DOCK1: variants seen among roughly 807,000 people sequenced by gnomAD.
DOCK1 encodes the protein dedicator of cytokinesis protein 1.
DOCK1 carries 138 observed loss-of-function variants against 262.7 expected under a neutral mutation model. The ratio of observed to expected loss-of-function variants is 0.53; its 90% CI spans 0.46 to 0.61. The LOEUF is 0.61. Among genes scored for constraint, DOCK1 ranks in the 20% least tolerant of loss-of-function variants. The pLI is 0.00. For synonymous variants in DOCK1, 866 were observed against 867.4 expected (o/e 1.00, Z 0.03); for missense variants, 1,908 against 2,370.7 (o/e 0.80, Z 4.05).
At chr10:127,223,863 G>T (rs959926423) in intron 27 of DOCK1, among the ~76,000 whole-genome samples, 6 of 152,190 alleles carry the variant, frequency 3.9e-5, no homozygotes, top group Admixed American at 3.3e-4. Flanking sequence ...AATCTTAGGT[G>T]ACAGTGAGGC....
Position 127,175,379 on chromosome 10 carries a change from C to T in DOCK1, c.2847+47615C>T, listed in dbSNP as rs771469519. ...GTTGGCATTCTTCACCTGCAGCAAC[C>T]GCTGTGGGACTAGGCTGGTTCCCCA... On this transcript the variant is annotated intron_variant, in intron 27 of 51. Coordinates refer to ENST00000623213, the MANE Select transcript of DOCK1 (RefSeq NM_001290223.2). This position sits in a 1 kb window ranked among gnomAD's most constrained non-coding sequence, Gnocchi z 6.3. The T allele has an allele frequency of 8.7e-6, 14 of 1,613,872 alleles. No individual in the cohort carries two copies. Among genetic ancestry groups the T allele is most frequent in the Middle Eastern group, 1.6e-4 (1 of 6,084 alleles).
chr10:127,010,639 T>C (rs764641735), intron 11 of DOCK1, among the ~76,000 whole-genome samples: 10 of 152,164 alleles, frequency 6.6e-5, no homozygotes, highest in Non-Finnish European at 1.5e-4. Context: ...TGTTTTGTAG[T>C]CCCATCCAGT....
In DOCK1 at chr10:127,016,226, G is replaced by A. The variant is rs79573567; in HGVS notation, c.1202-2484G>A. 231 of 152,282 alleles carry A rather than the reference G, an allele frequency of 1.5e-3. 3 individuals are homozygous for A. Among genetic ancestry groups the A allele is most frequent in the African/African-American group, 5.1e-3 (213 of 41,534 alleles). The allele number at this position is 152,282 out of a possible 1,614,324, so 9.4% of individuals were successfully genotyped here. A position where few individuals can be genotyped will look rare whatever the true frequency, so the allele number is the denominator to read the frequency against. ...CCAGTATTTGCCTGGCACATAGTAG[G>A]TGCTCAGTAGCTACTTTTGAATAAA... On this transcript the variant is annotated intron_variant, in intron 12 of 51. Coordinates refer to ENST00000623213, the MANE Select transcript of DOCK1 (RefSeq NM_001290223.2).
intron 43 of DOCK1, among the ~76,000 whole-genome samples, chr10:127,413,084 G>A (rs1262931137): frequency 3.9e-5 from 6 of 152,170 alleles, no homozygotes; most frequent in African/African-American, 1.2e-4. Flanking sequence ...ACTAACGCTA[G>A]TGTTTATATG....
intron 1 of DOCK1, among the ~76,000 whole-genome samples, chr10:126,942,005 G>A (rs1334652850): frequency 1.3e-5 from 2 of 152,004 alleles, no homozygotes; most frequent in African/African-American, 4.8e-5. Context: ...TCGGATGTGT[G>A]TTGTCACTCT....
chr10:127,397,695 C>T (rs921820689), intron 38 of DOCK1, among the ~76,000 whole-genome samples: 2 of 151,770 alleles, frequency 1.3e-5, no homozygotes, highest in South Asian at 2.1e-4. Flanking sequence ...CAGGTAGTAG[C>T]TCCTCTATGA....
intron 24 of DOCK1, among the ~76,000 whole-genome samples, chr10:127,107,602 G>A (rs1472666565): frequency 2.0e-5 from 3 of 152,204 alleles, no homozygotes; most frequent in African/African-American, 7.2e-5. Flanking sequence ...TTCTCCAAGA[G>A]CGGGCCCCAA....
intron 25 of DOCK1, among the ~76,000 whole-genome samples, chr10:127,119,816 C>G (rs1232369300): frequency 1.3e-5 from 2 of 152,166 alleles, no homozygotes; most frequent in Non-Finnish European, 2.9e-5. Flanking sequence ...CTTGTATTTG[C>G]ATCTTGCTTT....
chr10:126,927,267 T>C (rs977810149), intron 1 of DOCK1, among the ~76,000 whole-genome samples: 1 of 152,162 alleles, frequency 6.6e-6, no homozygotes, highest in Non-Finnish European at 1.5e-5. Flanking sequence ...TTGATGTGAA[T>C]GTTGTTGACC....
chr10:127,179,375 A>T (rs576836150), intron 27 of DOCK1, among the ~76,000 whole-genome samples: 1 of 152,344 alleles, frequency 6.6e-6, no homozygotes, highest in South Asian at 2.1e-4. Flanking sequence ...TGTTAGTAAA[A>T]AAATGATGGT....
intron 2 of DOCK1, among the ~76,000 whole-genome samples, chr10:126,972,763 C>G (rs2038213532): frequency 6.6e-6 from 1 of 151,944 alleles, no homozygotes; most frequent in East Asian, 2.0e-4. Flanking sequence ...CCTTATTTCC[C>G]CATCTGATGC....
At chr10:127,306,258 G>T (rs553094205) in intron 29 of DOCK1, among the ~76,000 whole-genome samples, 1 of 152,076 alleles carries the variant, frequency 6.6e-6, no homozygotes, top group Non-Finnish European at 1.5e-5. Context: ...CAGGTGATCC[G>T]CCTGCCTTGG....
At chr10:127,396,027 G>A (rs1218204740) in intron 38 of DOCK1, among the ~76,000 whole-genome samples, 2 of 151,696 alleles carry the variant, frequency 1.3e-5, no homozygotes, top group East Asian at 3.9e-4. Flanking sequence ...TCAAGGAAAG[G>A]GAGAAATGAG....
Position 126,927,146 on chromosome 10 carries a change from C to T in DOCK1, c.46+21583C>T, listed in dbSNP as rs564349928. ...AATTGTGCTCCGGTGTATTTTGCGT[C>T]GTCTTTTTAGAAGAAAACTGCCTAG... On this transcript the variant is annotated intron_variant, in intron 1 of 51. Transcript: ENST00000623213. Among the ~76,000 whole-genome samples the T allele has an allele frequency of 4.6e-5, 7 of 152,264 alleles. 1 individual carries two copies. Among genetic ancestry groups the T allele is most frequent in the Admixed American group, 1.3e-4 (2 of 15,296 alleles).
intron 33 of DOCK1, among the ~76,000 whole-genome samples, chr10:127,367,516 G>A (rs1343236794): frequency 6.6e-6 from 1 of 152,150 alleles, no homozygotes; most frequent in Non-Finnish European, 1.5e-5. Context: ...CTGGGGAGGT[G>A]GCGATGAAGC....
intron 27 of DOCK1, among the ~76,000 whole-genome samples, chr10:127,236,969 T>G (rs995345482): frequency 5.9e-5 from 9 of 152,150 alleles, no homozygotes; most frequent in Non-Finnish European, 1.2e-4. Context: ...GTACCCTTGG[T>G]CAAGTGATTA....
At chr10:127,234,106 C>T (rs1016733031) in intron 27 of DOCK1, among the ~76,000 whole-genome samples, 6 of 152,104 alleles carry the variant, frequency 3.9e-5, no homozygotes, top group African/African-American at 7.2e-5. Flanking sequence ...ACACTAAAAG[C>T]GTGCCCATTA....
At chr10:127,109,354 T>G (rs2136239892) in intron 24 of DOCK1, among the ~76,000 whole-genome samples, 1 of 152,350 alleles carries the variant, frequency 6.6e-6, no homozygotes, top group Non-Finnish European at 1.5e-5. Context: ...GTTAGCCTTT[T>G]GTAAAAGTGT....
chr10:127,149,828 C>T (rs2133441415), intron 27 of DOCK1, among the ~76,000 whole-genome samples: 1 of 152,238 alleles, frequency 6.6e-6, no homozygotes, highest in South Asian at 2.1e-4. Flanking sequence ...CTACCCAATC[C>T]CGGGGTGTTC....
Sources: allele counts gnomAD v4.1 joint callset (sites outside exome capture counted in the v4.1 genomes callset), GRCh38; gene constraint gnomAD v4.1.1; non-coding constraint Gnocchi (gnomAD v3.1); transcripts MANE v1.5; gene names NCBI Gene and HGNC (gene_info 2026-07-23, HGNC 2026-07-21).